Variants in P4HA3 observed in about 807,000 individuals in gnomAD.
The protein encoded by P4HA3 is prolyl 4-hydroxylase subunit alpha 3.
P4HA3 carries 60 observed loss-of-function variants against 66.7 expected under a neutral mutation model. The ratio of observed to expected loss-of-function variants is 0.90; its 90% CI spans 0.73 to 1.12. P4HA3 has a LOEUF of 1.12. P4HA3 is among the 50% of genes most tolerant of loss of function. The pLI is 0.00. For synonymous variants in P4HA3, 263 were observed against 274.6 expected (o/e 0.96, Z 0.42); for missense variants, 683 against 685.8 (o/e 1.00, Z 0.05).
At chr11:74,305,693 G>T (rs1861560160) in intron 1 of P4HA3, among the ~76,000 whole-genome samples, 1 of 152,130 alleles carries the variant, frequency 6.6e-6, no homozygotes, top group African/African-American at 2.4e-5. Flanking sequence ...AGATTCTAGG[G>T]ATACAAAGGC....
chr11:74,288,937 A>G, intron 5 of P4HA3, 142 bp downstream of exon 5: 1 of 508,420 alleles, frequency 2.0e-6, no homozygotes, highest in Non-Finnish European at 3.1e-6. Flanking sequence ...TGACAGAGGG[A>G]GATGCCATCT....
intron 7 of P4HA3, among the ~76,000 whole-genome samples, chr11:74,285,094 TATAATA>T (rs1301061255): frequency 1.3e-5 from 2 of 152,004 alleles, no homozygotes; most frequent in East Asian, 3.9e-4. Flanking sequence ...AACAATAAAA[TATAATA>T]ATAATAATAT....
chr11:74,270,076 G>C (rs151180874), intron 10 of P4HA3, among the ~76,000 whole-genome samples: 2,311 of 151,686 alleles, frequency 0.015, 68 homozygotes, highest in African/African-American at 0.053. Context: ...CACACACACA[G>C]ACACATACAC....
intron 15 of P4HA3, among the ~76,000 whole-genome samples, chr11:74,255,206 C>T (rs1005388400): frequency 6.6e-6 from 1 of 152,190 alleles, no homozygotes; most frequent in African/African-American, 2.4e-5. Flanking sequence ...TGATAGGTAT[C>T]ACCATCTCTC....
At chr11:74,264,002 C>T (rs1227737091), downstream of P4HA3, among the ~76,000 whole-genome samples, 2 of 152,208 alleles carry the variant, frequency 1.3e-5, no homozygotes, top group Non-Finnish European at 2.9e-5. Flanking sequence ...ATCTATCTAT[C>T]TACTAAGTGG....
intron 14 of P4HA3, among the ~76,000 whole-genome samples, chr11:74,260,912 G>A (rs922083836): frequency 2.0e-5 from 3 of 152,076 alleles, no homozygotes; most frequent in Non-Finnish European, 4.4e-5. Flanking sequence ...CATGTCTCAC[G>A]ACTTTGGTAA....
intron 7 of P4HA3, among the ~76,000 whole-genome samples, chr11:74,281,666 T>A (rs190176455): frequency 6.6e-6 from 1 of 151,978 alleles, no homozygotes; most frequent in Admixed American, 6.6e-5. Flanking sequence ...TAGGTGGGAA[T>A]TGAACAATGA....
chr11:74,286,851 T>G (rs1286817358), intron 5 of P4HA3, among the ~76,000 whole-genome samples: 3 of 152,182 alleles, frequency 2.0e-5, no homozygotes, highest in African/African-American at 7.2e-5. Flanking sequence ...GGACATTAAA[T>G]TATCACTTAC....
chr11:74,279,560 A>T, intron 7 of P4HA3, 108 bp from the exon 8 acceptor site: 1 of 1,028,304 alleles, frequency 9.7e-7, no homozygotes, highest in Non-Finnish European at 1.5e-6. Flanking sequence ...AACAGATGCC[A>T]GTTCCTCCTT....
At chr11:74,251,170 C>T in intron 15 of P4HA3, 1 of 1,466,670 alleles carries the variant, frequency 6.8e-7, no homozygotes, top group African/African-American at 1.4e-5. Context: ...CCAACTTCTC[C>T]CTGGCAGCTG....
At chr11:74,259,137 G>T (rs550745826) in intron 15 of P4HA3, among the ~76,000 whole-genome samples, 1 of 152,300 alleles carries the variant, frequency 6.6e-6, no homozygotes, top group Admixed American at 6.5e-5. Flanking sequence ...GGTGGCTCAC[G>T]CCTGTAATCC....
intron 3 of P4HA3, among the ~76,000 whole-genome samples, chr11:74,300,628 T>C (rs538271420): frequency 1.3e-5 from 2 of 152,206 alleles, no homozygotes; most frequent in Non-Finnish European, 2.9e-5. Flanking sequence ...AGCAAAACCC[T>C]AAGAAAACAA....
chr11:74,254,093 C>T (rs17132881), intron 15 of P4HA3: 15,825 of 153,300 alleles, frequency 0.1, 2,151 homozygotes, highest in African/African-American at 0.32. Flanking sequence ...TCACAAGAAA[C>T]GAGCCTGAAA....
In P4HA3 at chr11:74,267,120, G is replaced by C; in HGVS notation, c.*128C>G. 1 of 1,552,752 alleles carries C rather than the reference G, an allele frequency of 6.4e-7. No individual in the cohort carries two copies. Among genetic ancestry groups the C allele is most frequent in the African/African-American group, 1.3e-5 (1 of 74,180 alleles). ...CCTCTCCCTTGCCTCTGATTTGCGA[G>C]GCACAGACAAAGCTGACAAGGCCTT... On this transcript the variant is annotated 3_prime_UTR_variant, in exon 13 of 13. Coordinates refer to ENST00000331597, the MANE Select transcript of P4HA3 (RefSeq NM_182904.5).
In P4HA3 at chr11:74,266,939, G is replaced by T; in HGVS notation, c.*309C>A. The T allele has an allele frequency of 7.6e-7, 1 of 1,319,292 alleles. No homozygotes were observed. Among genetic ancestry groups the T allele is most frequent in the South Asian group, 1.5e-5 (1 of 65,374 alleles). 81.7% of individuals were successfully genotyped at this position (1,319,292 alleles called of 1,614,324 possible). A position where few individuals can be genotyped will look rare whatever the true frequency, so the allele number is the denominator to read the frequency against. ...CAAAAGACCCACTGATCGAACCTGA[G>T]ACTGTTGAGATGTCCTGTTCCCAAC... On this transcript the variant is annotated 3_prime_UTR_variant, in exon 13 of 13. Coordinates refer to ENST00000331597, the MANE Select transcript of P4HA3 (RefSeq NM_182904.5).
chr11:74,259,883 A>G (rs1347192439), intron 15 of P4HA3: 2 of 152,330 alleles, frequency 1.3e-5, no homozygotes, highest in South Asian at 4.1e-4. Context: ...TGCTATGACC[A>G]TGGGTGTACA....
In P4HA3 at chr11:74,304,384, C is replaced by A. The variant is rs768420535; in HGVS notation, c.229G>T (p.Glu77Ter). The A allele has an allele frequency of 6.2e-7, 1 of 1,614,094 alleles. No individual in the cohort carries two copies. The highest frequency in any genetic ancestry group is 1.7e-5 in the Admixed American group (1 of 60,024). Reference protein sequence around the residue: ...RFYDKVLSLHEDSTTPVANPL... With the variant: ...RFYDKVLSLH The stretch of plus-strand genomic sequence containing the variant: ...TTAGCCACAGGGGTTGTTGAATCCT[C>A]ATGCAAAGAAAGTACCTTGTCGTAG... Residue 77 changes from glutamate to a stop codon, truncating the protein, a stop_gained, in exon 2 of 13, where the codon GAG becomes TAG. Transcript: ENST00000331597. LOFTEE classifies it high-confidence loss of function.
In P4HA3 at chr11:74,302,421, C is replaced by T; in HGVS notation, c.515G>A (p.Ser172Asn). ...VTGSAITDLY[S>N]PKRLFSLTGD... ...TGTGAGAGAAAAGAGCCGTTTGGGG[C>T]TGTACAGGTCAGTGATGGCAGAGCC... The change falls in exon 3 of 13, where the codon AGC becomes AAC. Residue 172 changes from serine to asparagine, a missense_variant. Physicochemically the swap from Ser to Asn is conservative, Grantham distance 46. Coordinates refer to ENST00000331597, the MANE Select transcript of P4HA3 (RefSeq NM_182904.5). The T allele has an allele frequency of 6.2e-7, 1 of 1,614,110 alleles. No homozygotes were observed. The highest frequency in any genetic ancestry group is 8.5e-7 in the Non-Finnish European group (1 of 1,180,040).
In P4HA3 at chr11:74,291,353, G is replaced by A. The variant is rs565771715; in HGVS notation, c.718-2223C>T. The stretch of plus-strand genomic sequence containing the variant: ...GCTTGAGGAGATTTTAGGCTGAGAC[G>A]ATGGGGTTTTCTAGATATACAATCA... On this transcript the variant is annotated intron_variant, in intron 4 of 12. Coordinates refer to ENST00000331597, the MANE Select transcript of P4HA3 (RefSeq NM_182904.5). 3.3e-5 allele frequency among the ~76,000 whole-genome samples: 5 copies of A among 152,260 alleles called. No homozygotes were observed. In the East Asian group the frequency reaches 5.8e-4, roughly 18 times the overall value.
Sources: allele counts gnomAD v4.1 joint callset (sites outside exome capture counted in the v4.1 genomes callset), GRCh38; gene constraint gnomAD v4.1.1; transcripts MANE v1.5; gene names NCBI Gene and HGNC (gene_info 2026-07-23, HGNC 2026-07-21).